The following ATP8A2 variants were observed in gnomAD, a reference collection of about 807,000 sequenced individuals.
ATP8A2 encodes the protein ATPase phospholipid transporting 8A2.
ATP8A2 carries 100 observed loss-of-function variants against 165.6 expected under a neutral mutation model. The observed-to-expected ratio is 0.60, with a 90% CI of 0.51 to 0.71. The LOEUF is 0.71. Ranked by LOEUF, ATP8A2 falls within the 30% of genes least tolerant of loss-of-function variation. The pLI is 0.00. For missense variants in ATP8A2, 1,227 were observed against 1,479.5 expected (o/e 0.83, Z 2.80); for synonymous variants, 543 against 548.8 (o/e 0.99, Z 0.15).
chr13:25,655,874 C>T (rs1035465890), intron 24 of ATP8A2, among the ~76,000 whole-genome samples: 1 of 152,090 alleles, frequency 6.6e-6, no homozygotes, highest in African/African-American at 2.4e-5. Flanking sequence ...TAGAAATATT[C>T]GTGTGCAAAT....
Position 25,614,400 on chromosome 13 carries a change from GA to G in ATP8A2, c.2211+24702del, listed in dbSNP as rs1177890762. Among the ~76,000 whole-genome samples the G allele has an allele frequency of 6.6e-5, 10 of 151,970 alleles. No individual in the cohort carries two copies. In the East Asian group the frequency reaches 1.9e-3, roughly 29 times the overall value. On this transcript the variant is annotated intron_variant, in intron 24 of 36. Transcript: ENST00000381655. Reference sequence around the variant, plus strand: ...TATTTATGTTGTCTATTTCTCTGGGGATTTTTCTGTCCATATCCTGTAACAT... The same window carrying G: ...TATTTATGTTGTCTATTTCTCTGGGGTTTTTCTGTCCATATCCTGTAACAT...
chr13:25,570,671 T>A (rs2039441714), intron 16 of ATP8A2, 96 bp from the exon 17 acceptor site: 2 of 953,782 alleles, frequency 2.1e-6, no homozygotes, highest in Non-Finnish European at 3.3e-6. Flanking sequence ...CAGGGAGCAA[T>A]AGGATGACTG....
rs189620842 is a variant in ATP8A2 at position 25,437,524 on chromosome 13, G to A, written c.77-31453G>A. Among the ~76,000 whole-genome samples the A allele has an allele frequency of 2.4e-3, 359 of 152,308 alleles. 3 individuals carry two copies. Among genetic ancestry groups the A allele is most frequent in the African/African-American group, 8.3e-3 (344 of 41,564 alleles). ...CAACAGATCAAAGCTCTTATATAAA[G>A]TCAGTTTTCAAAGCTTTTGAAGTTG... is the stretch of plus-strand genomic sequence containing the variant. On this transcript the variant is annotated intron_variant, in intron 1 of 36. Transcript: ENST00000381655.
chr13:25,405,815 G>A (rs533386506), intron 1 of ATP8A2, among the ~76,000 whole-genome samples: 1 of 152,332 alleles, frequency 6.6e-6, no homozygotes, highest in South Asian at 2.1e-4. Flanking sequence ...CAAAGTGCAC[G>A]TCCTAGGCAG....
intron 28 of ATP8A2, among the ~76,000 whole-genome samples, chr13:25,828,764 T>C (rs1951382191): frequency 1.3e-5 from 2 of 152,230 alleles, no homozygotes; most frequent in African/African-American, 4.8e-5. Context: ...TTACTTTTTA[T>C]AACTATGATG....
intron 25 of ATP8A2, among the ~76,000 whole-genome samples, chr13:25,713,854 A>G (rs947076232): frequency 7.2e-5 from 11 of 152,168 alleles, no homozygotes; most frequent in African/African-American, 2.7e-4. Flanking sequence ...ACAGCCCAGC[A>G]CAACCCCTGC....
intron 24 of ATP8A2, among the ~76,000 whole-genome samples, chr13:25,678,923 T>C (rs1468562080): frequency 1.3e-5 from 2 of 152,192 alleles, no homozygotes; most frequent in African/African-American, 4.8e-5. Flanking sequence ...TATTTATAAG[T>C]TGGGTTTCAG....
At chr13:25,996,614 C>T (rs1231740494) in intron 35 of ATP8A2, among the ~76,000 whole-genome samples, 1 of 152,022 alleles carries the variant, frequency 6.6e-6, no homozygotes, top group Non-Finnish European at 1.5e-5. Flanking sequence ...AACCTCCGCA[C>T]TCTGGCGTTC....
chr13:25,480,419 G>A (rs1474482540), intron 2 of ATP8A2, among the ~76,000 whole-genome samples: 5 of 150,992 alleles, frequency 3.3e-5, no homozygotes, highest in Admixed American at 3.3e-4. Flanking sequence ...GCCAGGCGGA[G>A]AGTCTCCTCC....
intron 24 of ATP8A2, among the ~76,000 whole-genome samples, chr13:25,669,128 A>G (rs1210182640): frequency 6.6e-6 from 1 of 151,724 alleles, no homozygotes; most frequent in Non-Finnish European, 1.5e-5. Context: ...TTTTTTGAAA[A>G]CTAGTTGTTT....
chr13:25,824,603 A>T (rs1001428398), intron 27 of ATP8A2, among the ~76,000 whole-genome samples: 1 of 152,122 alleles, frequency 6.6e-6, no homozygotes, highest in Non-Finnish European at 1.5e-5. Context: ...ATCACTTTGC[A>T]ATCATAAGCA....
intron 33 of ATP8A2, among the ~76,000 whole-genome samples, chr13:25,903,519 G>GC (rs1471090478): frequency 6.6e-6 from 1 of 152,172 alleles, no homozygotes; most frequent in Non-Finnish European, 1.5e-5. Context: ...TCAGAAACTT[G>GC]CCGTGGCTTC....
Position 25,879,357 on chromosome 13 carries a change from T to G in ATP8A2, c.3183+16949T>G, listed in dbSNP as rs142857123. Among the ~76,000 whole-genome samples, 59 of 152,284 alleles carry G rather than the reference T, an allele frequency of 3.9e-4. No homozygotes were observed. In the East Asian group the frequency reaches 9.8e-3, roughly 25 times the overall value. ...GGGCTGTAACCTAAACATGCTAAACTTTATTAAATATGCCAGCCAGGATCT... is the reference window on the plus strand; with the variant it reads ...GGGCTGTAACCTAAACATGCTAAACGTTATTAAATATGCCAGCCAGGATCT... On this transcript the variant is annotated intron_variant, in intron 33 of 36. Transcript: ENST00000381655.
chr13:25,584,255 T>C (rs2039857286), intron 23 of ATP8A2, among the ~76,000 whole-genome samples: 1 of 152,194 alleles, frequency 6.6e-6, no homozygotes, highest in Non-Finnish European at 1.5e-5. Flanking sequence ...CCGGACATTT[T>C]ATTAGACTTT....
At chr13:25,794,844 C>CAG (rs971663976) in intron 27 of ATP8A2, among the ~76,000 whole-genome samples, 1 of 151,496 alleles carries the variant, frequency 6.6e-6, no homozygotes, top group Non-Finnish European at 1.5e-5. Flanking sequence ...CACACACACA[C>CAG]ACACACACAC....
At chr13:25,420,734 C>T (rs532547465) in intron 1 of ATP8A2, among the ~76,000 whole-genome samples, 5 of 152,302 alleles carry the variant, frequency 3.3e-5, no homozygotes, top group South Asian at 4.1e-4. Context: ...TGCTCTCATT[C>T]GCATGGTCAC....
At chr13:25,881,786 C>G (rs1952987066) in intron 33 of ATP8A2, among the ~76,000 whole-genome samples, 1 of 152,286 alleles carries the variant, frequency 6.6e-6, no homozygotes, top group Middle Eastern at 3.4e-3. Flanking sequence ...GCAACATCAG[C>G]CTCATCAGAG....
chr13:25,916,456 G>A (rs940595507), intron 33 of ATP8A2, among the ~76,000 whole-genome samples: 7 of 152,178 alleles, frequency 4.6e-5, no homozygotes, highest in African/African-American at 1.2e-4. Context: ...GTTCAGCTGC[G>A]TGCATTTTCA....
chr13:25,989,592 GCC>G (rs1956343167), intron 35 of ATP8A2, among the ~76,000 whole-genome samples: 1 of 152,132 alleles, frequency 6.6e-6, no homozygotes, highest in Non-Finnish European at 1.5e-5. Flanking sequence ...CCAGCCCAAA[GCC>G]TTGCTTCAGA....
Sources: gnomAD v4.1 joint callset for allele counts (sites outside exome capture counted in the v4.1 genomes callset) on GRCh38, gnomAD v4.1.1 for gene constraint, MANE v1.5 for transcripts, NCBI Gene and HGNC (gene_info 2026-07-23, HGNC 2026-07-21) for gene names.